Variants in BCAS1 observed in about 807,000 individuals in gnomAD.
BCAS1 encodes breast carcinoma-amplified sequence 1.
Under a neutral mutation model 65.4 loss-of-function variants are expected in BCAS1, and 46 were observed. That is an observed-to-expected ratio of 0.70 (90% CI 0.55 to 0.90). The LOEUF is 0.90. Among genes scored for constraint, BCAS1 ranks in the 40% least tolerant of loss-of-function variants. BCAS1 has a pLI of 0.00. For missense variants in BCAS1, 793 were observed against 771.2 expected (o/e 1.03, Z -0.33); for synonymous variants, 298 against 293.5 (o/e 1.02, Z -0.16).
chr20:54,038,928 A>C (rs1487472981), intron 3 of BCAS1, among the ~76,000 whole-genome samples: 2 of 151,436 alleles, frequency 1.3e-5, no homozygotes, highest in African/African-American at 4.8e-5. Context: ...TGGTTGGACA[A>C]GGATCTGGCA....
At chr20:54,007,378 T>C (rs2299720) in intron 4 of BCAS1, among the ~76,000 whole-genome samples, 48,813 of 152,084 alleles carry the variant, frequency 0.32, 8,289 homozygotes, top group South Asian at 0.4. Context: ...GCCATCAGGA[T>C]CTGCCATGAT....
At chr20:54,036,389 T>C (rs1470244405) in intron 3 of BCAS1, among the ~76,000 whole-genome samples, 3 of 151,490 alleles carry the variant, frequency 2.0e-5, no homozygotes, top group Non-Finnish European at 4.4e-5. Context: ...TTGATTTTCT[T>C]AGTGCAGAAA....
chr20:54,019,460 C>T lies in BCAS1; in HGVS notation c.723+8932G>A, dbSNP rs186245109. 3.5e-4 allele frequency among the ~76,000 whole-genome samples: 54 copies of T among 152,332 alleles called. 1 individual carries two copies. Among genetic ancestry groups the T allele is most frequent in the Non-Finnish European group, 5.4e-4 (37 of 68,020 alleles). The stretch of plus-strand genomic sequence containing the variant: ...TTCTAGGCCCATCTTATTGGACTAA[C>T]GTTCCACAGACCAACTTGGAAAGTA... On this transcript the variant is annotated intron_variant, in intron 4 of 12. Transcript: ENST00000688948.
intron 10 of BCAS1, among the ~76,000 whole-genome samples, chr20:53,960,208 T>C (rs1293126290): frequency 6.6e-6 from 1 of 152,168 alleles, no homozygotes; most frequent in Non-Finnish European, 1.5e-5. Context: ...TTCTAGAGAA[T>C]AAAGTTCTCT....
intron 9 of BCAS1, among the ~76,000 whole-genome samples, chr20:53,972,050 T>C (rs978102236): frequency 7.2e-5 from 11 of 152,254 alleles, no homozygotes; most frequent in African/African-American, 2.7e-4. Flanking sequence ...GACATCACTC[T>C]GTTTTTTAGT....
At chr20:54,002,157 A>ATC (rs1179256214) in intron 4 of BCAS1, among the ~76,000 whole-genome samples, 1 of 150,790 alleles carries the variant, frequency 6.6e-6, no homozygotes, top group East Asian at 2.0e-4. Flanking sequence ...CTCTCTGTGT[A>ATC]TCTCTCTCTC....
intron 11 of BCAS1, among the ~76,000 whole-genome samples, chr20:53,957,087 C>T (rs542361966): frequency 3.2e-4 from 48 of 152,032 alleles, no homozygotes; most frequent in Non-Finnish European, 3.2e-4. Flanking sequence ...TTTGTGATGA[C>T]GCTATGAAAT....
intron 9 of BCAS1, among the ~76,000 whole-genome samples, chr20:53,973,658 G>A (rs1226307118): frequency 2.6e-5 from 4 of 152,164 alleles, no homozygotes; most frequent in Non-Finnish European, 4.4e-5. Context: ...CTTAAAGTTC[G>A]TAGAAAGAAG....
Position 54,058,147 on chromosome 20 carries a change from G to A in BCAS1, c.80C>T (p.Ala27Val), listed in dbSNP as rs145021720. 43 of 1,613,972 alleles carry A rather than the reference G, an allele frequency of 2.7e-5. No individual in the cohort carries two copies. The East Asian group carries it at 8.9e-4, about 33-fold the overall frequency. Reference sequence around the variant, plus strand: ...CACTGGAACCCCGTTCAGAGCAGACGCGTTGTCCTGAAACAGAGCACGTGG... The same window carrying A: ...CACTGGAACCCCGTTCAGAGCAGACACGTTGTCCTGAAACAGAGCACGTGG... ...EPEAETYQDNASALNGVPVVV... is the reference protein window; with the variant it reads ...EPEAETYQDNVSALNGVPVVV... Residue 27 changes from alanine (A) to valine (V), a missense_variant, in exon 3 of 13, where the codon GCG becomes GTG. By Grantham distance (64) the Ala-to-Val change is moderately conservative (BLOSUM62 0). Coordinates refer to ENST00000688948, the MANE Select transcript of BCAS1 (RefSeq NM_001366298.2).
chr20:53,957,062 A>G (rs999538881), intron 11 of BCAS1, among the ~76,000 whole-genome samples: 2 of 152,252 alleles, frequency 1.3e-5, no homozygotes, highest in Admixed American at 1.3e-4. Context: ...AGGGGAGATA[A>G]ATGAATTATT....
intron 4 of BCAS1, among the ~76,000 whole-genome samples, chr20:54,021,732 G>A (rs1240101397): frequency 6.6e-6 from 1 of 152,058 alleles, no homozygotes. Flanking sequence ...GCCTGTCGGG[G>A]GTTGGGGGAG....
chr20:54,043,473 T>A (rs2092039220), intron 3 of BCAS1, among the ~76,000 whole-genome samples: 1 of 152,174 alleles, frequency 6.6e-6, no homozygotes, highest in African/African-American at 2.4e-5. Context: ...ATTGGGAAAT[T>A]TCATTTAAAA....
intron 12 of BCAS1, 54 bp from the exon 13 acceptor site, chr20:53,945,050 G>A (rs1353488893): frequency 7.0e-7 from 1 of 1,436,624 alleles, no homozygotes; most frequent in African/African-American, 1.4e-5. Flanking sequence ...AATGTCAACA[G>A]CAACAATGGC....
chr20:53,957,657 A>G (rs962218710), intron 10 of BCAS1, among the ~76,000 whole-genome samples, 160 bp from the exon 11 acceptor site: 1 of 152,226 alleles, frequency 6.6e-6, no homozygotes, highest in African/African-American at 2.4e-5. Context: ...GGATATAGAG[A>G]TTTCCATGCA....
intron 1 of BCAS1, among the ~76,000 whole-genome samples, chr20:54,069,293 G>C (rs184250534): frequency 6.6e-6 from 1 of 152,274 alleles, no homozygotes; most frequent in Admixed American, 6.5e-5. Flanking sequence ...GAGATGAATA[G>C]TATTTTAACA....
rs151154236 is a variant in BCAS1, at chr20:53,953,612, C to T, written c.1635G>A (p.Ser545=). ...GAPQKGKEGS[S]KDKKSAAEMN... ...TCTCGGCTGCTGACTTCTTGTCCTTCGAGGAGCCCTCTTTACCCTTCTGTG... is the reference window on the plus strand; with the variant it reads ...TCTCGGCTGCTGACTTCTTGTCCTTTGAGGAGCCCTCTTTACCCTTCTGTG... Residue 545 remains serine, a synonymous_variant, in exon 12 of 13, where the codon TCG becomes TCA. Coordinates refer to ENST00000688948, the MANE Select transcript of BCAS1 (RefSeq NM_001366298.2). 299 of 1,613,822 alleles carry T rather than the reference C, an allele frequency of 1.9e-4. 1 individual carries two copies. The African/African-American group carries it at 3.1e-3, about 17-fold the overall frequency.
At chr20:54,019,772 C>T (rs966141751) in intron 4 of BCAS1, among the ~76,000 whole-genome samples, 6 of 152,180 alleles carry the variant, frequency 3.9e-5, no homozygotes, top group African/African-American at 9.7e-5. Flanking sequence ...TGCTCTTGGA[C>T]GTTAGACTCC....
At chr20:54,005,646 G>A (rs1208017382) in intron 4 of BCAS1, among the ~76,000 whole-genome samples, 1 of 152,182 alleles carries the variant, frequency 6.6e-6, no homozygotes, top group Non-Finnish European at 1.5e-5. Context: ...AGGCTCAGAT[G>A]TCAATATTTT....
rs769910938 is a variant in BCAS1 at position 53,944,922 on chromosome 20, T to C, written c.1890A>G (p.Ter630=). 4.3e-6 allele frequency: 7 copies of C among 1,613,858 alleles called. No individual in the cohort carries two copies. The African/African-American group carries it at 5.3e-5, about 12-fold the overall frequency. The change falls in exon 13 of 13, where the codon TAA becomes TAG. Residue 630 remains the stop codon, a stop_retained_variant. Transcript: ENST00000688948. ...VSIGPVGKSK[*] is the part of the protein sequence containing the mutation. ...CCTGGTGGGAACCGTGCTGATTTGT[T>C]TACTTGGATTTGCCAACTGGTCCGA...
Sources: allele counts gnomAD v4.1 joint callset (sites outside exome capture counted in the v4.1 genomes callset), GRCh38; gene constraint gnomAD v4.1.1; transcripts MANE v1.5; gene names NCBI Gene and HGNC (gene_info 2026-07-23, HGNC 2026-07-21).